NAV2: variants seen among roughly 807,000 people sequenced by gnomAD.
NAV2 encodes neuron navigator 2, also known as helicase, APC down-regulated 1.
Under a neutral mutation model 223.2 loss-of-function variants are expected in NAV2, and 54 were observed. The ratio of observed to expected loss-of-function variants is 0.24; its 90% CI spans 0.19 to 0.30. NAV2 has a LOEUF of 0.30. NAV2 is among the 10% of genes least tolerant of loss of function. NAV2 has a pLI of 1.00. For missense variants in NAV2, 2,806 were observed against 3,147.5 expected (o/e 0.89, Z 2.60); for synonymous variants, 1,279 against 1,239.3 (o/e 1.03, Z -0.67).
chr11:19,963,880 C>T lies in NAV2; in HGVS notation c.2645+14800C>T, dbSNP rs184890310. ...AATTCTGCACAGTGATTTACCGAAG[C>T]GCCTTACCGCGATGTGGCTTCCTGT... On this transcript the variant is annotated intron_variant, in intron 10 of 37. Coordinates refer to ENST00000349880, the MANE Select transcript of NAV2 (RefSeq NM_145117.5). 1.5e-3 allele frequency among the ~76,000 whole-genome samples: 234 copies of T among 152,242 alleles called. 1 individual carries two copies. Among genetic ancestry groups the T allele is most frequent in the African/African-American group, 5.1e-3 (213 of 41,534 alleles).
At chr11:19,794,556 GAT>G in intron 1 of NAV2, among the ~76,000 whole-genome samples, 1 of 152,244 alleles carries the variant, frequency 6.6e-6, no homozygotes, top group Non-Finnish European at 1.5e-5. Context: ...AACATTCTAG[GAT>G]ATATTTTGTG....
intron 1 of NAV2, among the ~76,000 whole-genome samples, chr11:19,598,055 G>A (rs2046253445): frequency 6.6e-6 from 1 of 152,234 alleles, no homozygotes; most frequent in South Asian, 2.1e-4. Context: ...GCCCTGGGGG[G>A]CCAGGCCCCA....
intron 1 of NAV2, among the ~76,000 whole-genome samples, chr11:19,818,231 ATTTTTTTTTTTTTTTT>A (rs34649376): frequency 8.9e-5 from 5 of 56,022 alleles, no homozygotes; most frequent in Non-Finnish European, 1.5e-4. Context: ...GTATTTAGTG[ATTTTTTTTTTTTTTTT>A]TTTTTTTTTT....
intron 1 of NAV2, among the ~76,000 whole-genome samples, chr11:19,366,425 G>C (rs1410093879): frequency 1.3e-5 from 2 of 152,146 alleles, no homozygotes; most frequent in African/African-American, 4.8e-5. Flanking sequence ...TTCTAGCTGG[G>C]TTGTCTTTCT....
At chr11:19,404,655 TA>T (rs1849819900) in intron 1 of NAV2, among the ~76,000 whole-genome samples, 1 of 152,236 alleles carries the variant, frequency 6.6e-6, no homozygotes, top group Admixed American at 6.5e-5. Context: ...TCTGTCATTT[TA>T]AAAAATTGTA....
At chr11:19,753,636 G>A (rs562453958) in intron 1 of NAV2, among the ~76,000 whole-genome samples, 1 of 152,346 alleles carries the variant, frequency 6.6e-6, no homozygotes, top group African/African-American at 2.4e-5. Flanking sequence ...ACCTCCTTGA[G>A]AACAGCAAAT....
intron 6 of NAV2, among the ~76,000 whole-genome samples, chr11:19,928,006 C>T (rs1188915923): frequency 1.3e-5 from 2 of 152,166 alleles, no homozygotes. Flanking sequence ...ATAAATAAAG[C>T]TCTAAAAACT....
At chr11:19,935,802 T>C (rs1409180781) in intron 7 of NAV2, among the ~76,000 whole-genome samples, 1 of 150,982 alleles carries the variant, frequency 6.6e-6, no homozygotes, top group African/African-American at 2.4e-5. Context: ...AGGGCTTAGA[T>C]AATGACTCAG....
chr11:19,778,055 C>T (rs900979137), intron 1 of NAV2: 7 of 446,338 alleles, frequency 1.6e-5, no homozygotes, highest in African/African-American at 1.4e-4. Context: ...TTGCAAAGAA[C>T]CATCCAGGGT....
intron 17 of NAV2, among the ~76,000 whole-genome samples, chr11:20,051,889 T>C (rs144948403): frequency 1.3e-5 from 2 of 152,300 alleles, no homozygotes; most frequent in African/African-American, 4.8e-5. Context: ...TGATCATTTT[T>C]TGGTGGATAA....
chr11:19,811,005 G>A (rs1436560835), intron 1 of NAV2, among the ~76,000 whole-genome samples: 1 of 152,198 alleles, frequency 6.6e-6, no homozygotes, highest in Non-Finnish European at 1.5e-5. Context: ...TCCTCAGAAA[G>A]GGTGCATTGT....
chr11:19,485,740 A>T (rs4757003), intron 1 of NAV2, among the ~76,000 whole-genome samples: 54,624 of 149,530 alleles, frequency 0.37, 10,592 homozygotes, highest in Non-Finnish European at 0.44. Flanking sequence ...TTTTTTTTTT[A>T]AAAGGAAAGA....
At chr11:19,854,181 T>C (rs1308763912) in intron 3 of NAV2, among the ~76,000 whole-genome samples, 1 of 152,232 alleles carries the variant, frequency 6.6e-6, no homozygotes, top group African/African-American at 2.4e-5. Flanking sequence ...GGAGTTCTTA[T>C]GTTTCAGCCT....
chr11:19,919,996 A>C (rs1055358606), intron 6 of NAV2, among the ~76,000 whole-genome samples: 1 of 152,090 alleles, frequency 6.6e-6, no homozygotes, highest in South Asian at 2.1e-4. Flanking sequence ...TTAGCCGGGC[A>C]TGGTAGCATG....
intron 29 of NAV2, among the ~76,000 whole-genome samples, chr11:20,093,605 G>A (rs1375821153): frequency 6.6e-6 from 1 of 152,130 alleles, no homozygotes; most frequent in Non-Finnish European, 1.5e-5. Context: ...AGTTTTATCG[G>A]TCATCAGTCA....
At chr11:19,535,727 TG>T (rs1203700863) in intron 1 of NAV2, among the ~76,000 whole-genome samples, 1 of 152,156 alleles carries the variant, frequency 6.6e-6, no homozygotes, top group Non-Finnish European at 1.5e-5. Flanking sequence ...ATGGGTTCAG[TG>T]GGCCCAATCA....
intron 16 of NAV2, 52 bp downstream of exon 16, chr11:20,049,953 A>G (rs1158632287): frequency 7.7e-6 from 12 of 1,566,148 alleles, no homozygotes; most frequent in Middle Eastern, 1.7e-4. Context: ...TCTTCTGCCC[A>G]TTCGTTGTCA....
intron 6 of NAV2, among the ~76,000 whole-genome samples, chr11:19,900,498 C>A (rs1360175232): frequency 1.3e-5 from 2 of 152,132 alleles, no homozygotes; most frequent in Non-Finnish European, 2.9e-5. Flanking sequence ...CCATGCTTAG[C>A]ACCATTCTAG....
At chr11:19,686,661 C>G (rs1381131164) in intron 1 of NAV2, among the ~76,000 whole-genome samples, 1 of 152,106 alleles carries the variant, frequency 6.6e-6, no homozygotes, top group Non-Finnish European at 1.5e-5. Flanking sequence ...TGGGGAGGAC[C>G]CCCAGTGTGG....
Sources: allele counts gnomAD v4.1 joint callset (sites outside exome capture counted in the v4.1 genomes callset), GRCh38; gene constraint gnomAD v4.1.1; transcripts MANE v1.5; gene names NCBI Gene and HGNC (gene_info 2026-07-23, HGNC 2026-07-21).